STK24: variants seen among roughly 807,000 people sequenced by gnomAD.
STK24 encodes serine/threonine-protein kinase 24.
A neutral mutation model predicts 55.6 loss-of-function variants in STK24; 21 were observed. That is an observed-to-expected ratio of 0.38 (90% CI 0.27 to 0.54). The LOEUF (loss-of-function observed/expected upper bound fraction) is 0.54, where lower values mean the gene tolerates loss of function less well. Among genes scored for constraint, STK24 ranks in the 20% least tolerant of loss-of-function variants. The pLI, the probability that STK24 is intolerant of heterozygous loss-of-function variation, is 0.79. For missense variants in STK24, 383 were observed against 538.4 expected (o/e 0.71, Z 2.86); for synonymous variants, 200 against 215.2 (o/e 0.93, Z 0.62).
At chr13:98,501,212 G>A (rs1895447368) in intron 2 of STK24, among the ~76,000 whole-genome samples, 1 of 152,230 alleles carries the variant, frequency 6.6e-6, no homozygotes, top group Admixed American at 6.5e-5. Context: ...CCTCACCGCG[G>A]AGTCACAGAA....
At chr13:98,552,513 A>G (rs191946979) in intron 1 of STK24, among the ~76,000 whole-genome samples, 173 of 152,302 alleles carry the variant, frequency 1.1e-3, no homozygotes, top group Non-Finnish European at 2.1e-3. Context: ...ACAAAGCAGG[A>G]GGTCCTCCTT....
chr13:98,476,234 C>G (rs540980200), intron 3 of STK24, among the ~76,000 whole-genome samples: 1 of 129,172 alleles, frequency 7.7e-6, no homozygotes, highest in Non-Finnish European at 1.6e-5. Flanking sequence ...TCAAACCAGA[C>G]GGGAAGCCCC....
At chr13:98,554,606 C>T (rs1328266181) in intron 1 of STK24, among the ~76,000 whole-genome samples, 3 of 152,176 alleles carry the variant, frequency 2.0e-5, no homozygotes, top group African/African-American at 7.2e-5. Context: ...GGGAAGATTG[C>T]TTGAGGCCAA....
chr13:98,494,721 G>A (rs535596901), intron 2 of STK24, among the ~76,000 whole-genome samples: 1 of 152,078 alleles, frequency 6.6e-6, no homozygotes, highest in Admixed American at 6.5e-5. Flanking sequence ...ATTCCAGAAG[G>A]AACTGTCAGT....
At chr13:98,490,839 A>G (rs1895000062) in intron 2 of STK24, among the ~76,000 whole-genome samples, 2 of 152,066 alleles carry the variant, frequency 1.3e-5, no homozygotes, top group South Asian at 4.2e-4. Context: ...TTAAAAAAAA[A>G]AAAAAAACAG....
In STK24 at chr13:98,447,955, G is replaced by A. The variant is rs1192027955; in HGVS notation, c.*5218C>T. The A allele has an allele frequency of 1.0e-5, 5 of 477,546 alleles. No homozygotes were observed. The highest frequency in any genetic ancestry group is 1.9e-5 in the Non-Finnish European group (5 of 267,360). The allele number at this position is 477,546 out of a possible 1,614,324, so 29.6% of individuals were successfully genotyped here. On this transcript the variant is annotated 3_prime_UTR_variant, in exon 11 of 11. Transcript: ENST00000539966. ...AAAATAGGAGGTAGCGTTCTCCCCAGCAACCAGAGGCCACCTCGCTCCTAA... is the reference window on the plus strand; with the variant it reads ...AAAATAGGAGGTAGCGTTCTCCCCAACAACCAGAGGCCACCTCGCTCCTAA...
At chr13:98,513,104 T>A (rs1440299769) in intron 2 of STK24, among the ~76,000 whole-genome samples, 1 of 152,192 alleles carries the variant, frequency 6.6e-6, no homozygotes. Context: ...ATTCACAGCC[T>A]CGAGAACAGA....
intron 2 of STK24, among the ~76,000 whole-genome samples, chr13:98,500,001 C>A (rs1235020211): frequency 1.3e-5 from 2 of 152,210 alleles, no homozygotes; most frequent in Non-Finnish European, 2.9e-5. Context: ...GGTTCAGCTC[C>A]TGTGATGTGC....
chr13:98,453,135 A>C lies in STK24; in HGVS notation c.*38T>G, dbSNP rs72652256. On this transcript the variant is annotated 3_prime_UTR_variant, in exon 11 of 11. Transcript: ENST00000539966. ...TAAAAAAGGAGGAGGATGAAGAAGG[A>C]AAAAAGGAAAAACAAAACCCCAAAT... The C allele has an allele frequency of 0.014, 22,234 of 1,610,940 alleles. 200 individuals carry two copies. Among genetic ancestry groups the C allele is most frequent in the Non-Finnish European group, 0.015 (18,214 of 1,177,920 alleles).
Position 98,446,225 on chromosome 13 carries a change from C to CCACCTGCCCTGTGCA in STK24, c.*6947_*6948insTGCACAGGGCAGGTG. ...CACCAGGTAAGTGTCTCGCACAGGG[C>CCACCTGCCCTGTGCA]AGGTGGCCCTGGGACCTTGGGGGTG... On this transcript the variant is annotated 3_prime_UTR_variant, in exon 11 of 11. Transcript: ENST00000539966. 6.5e-7 allele frequency: 1 copy of CCACCTGCCCTGTGCA among 1,547,744 alleles called. No homozygotes were observed. The highest frequency in any genetic ancestry group is 8.9e-7 in the Non-Finnish European group (1 of 1,120,894).
intron 1 of STK24, among the ~76,000 whole-genome samples, chr13:98,534,892 T>C (rs570177998): frequency 3.0e-4 from 46 of 152,382 alleles, no homozygotes; most frequent in African/African-American, 1.1e-3. Flanking sequence ...TCTGGTCTCC[T>C]GTATAGCCAG....
intron 1 of STK24, among the ~76,000 whole-genome samples, chr13:98,551,480 A>G (rs1406243130): frequency 6.8e-6 from 1 of 147,638 alleles, no homozygotes; most frequent in Admixed American, 6.8e-5. Context: ...CCTTTATCCT[A>G]CTCCAAACTA....
intron 1 of STK24, among the ~76,000 whole-genome samples, chr13:98,575,385 CATATAT>C (rs559657825): frequency 2.0e-5 from 3 of 148,806 alleles, no homozygotes; most frequent in Non-Finnish European, 4.4e-5. Flanking sequence ...TATATACACA[CATATAT>C]ATACTGCTTA....
intron 1 of STK24, among the ~76,000 whole-genome samples, chr13:98,551,863 G>A (rs139693513): frequency 6.6e-6 from 1 of 152,260 alleles, no homozygotes; most frequent in East Asian, 1.9e-4. Context: ...AATCTTTGTT[G>A]AGAAATGAGC....
At chr13:98,550,138 A>G (rs77206968) in intron 1 of STK24, among the ~76,000 whole-genome samples, 3,692 of 152,348 alleles carry the variant, frequency 0.024, 167 homozygotes, top group African/African-American at 0.084. Context: ...ATACTCCACA[A>G]AGATTTTCAT....
In STK24 at chr13:98,453,270, T is replaced by C. The variant is rs1451523672; in HGVS notation, c.1260-61A>G. ...TCATTTCTCATCCCTGTGCAAAAAT[T>C]CATATAGTAACCAAAATCTTAGTTT... On this transcript the variant is annotated intron_variant, in intron 10 of 10. Transcript: ENST00000539966. 7.2e-6 allele frequency: 11 copies of C among 1,538,412 alleles called. No individual in the cohort carries two copies. The Admixed American group carries it at 2.0e-4, about 28-fold the overall frequency.
In STK24 at chr13:98,453,113, A is replaced by G; in HGVS notation, c.*60T>C. 6.3e-7 allele frequency: 1 copy of G among 1,599,110 alleles called. No homozygotes were observed. Among genetic ancestry groups the G allele is most frequent in the East Asian group, 2.2e-5 (1 of 44,798 alleles). On this transcript the variant is annotated 3_prime_UTR_variant, in exon 11 of 11. Coordinates refer to ENST00000539966, the MANE Select transcript of STK24 (RefSeq NM_001032296.4). Reference sequence around the variant, plus strand: ...AGCGAAGGCTCTCGTTGACTTTTAAAAAAGGAGGAGGATGAAGAAGGAAAA... The same window carrying G: ...AGCGAAGGCTCTCGTTGACTTTTAAGAAAGGAGGAGGATGAAGAAGGAAAA...
At chr13:98,464,308 A>C (rs1893843600) in intron 6 of STK24, among the ~76,000 whole-genome samples, 1 of 151,304 alleles carries the variant, frequency 6.6e-6, no homozygotes, top group African/African-American at 2.4e-5. Context: ...AGTCCCAGCT[A>C]CTCAGGAGGC....
intron 1 of STK24, among the ~76,000 whole-genome samples, chr13:98,536,250 T>C (rs1440618168): frequency 6.6e-6 from 1 of 152,044 alleles, no homozygotes; most frequent in East Asian, 1.9e-4. Flanking sequence ...AAATCCTACA[T>C]CTCACAGAAA....
Sources: allele counts gnomAD v4.1 joint callset (sites outside exome capture counted in the v4.1 genomes callset), GRCh38; gene constraint gnomAD v4.1.1; transcripts MANE v1.5; gene names NCBI Gene and HGNC (gene_info 2026-07-23, HGNC 2026-07-21).